NIM1K: variants seen among roughly 807,000 people sequenced by gnomAD.
NIM1K encodes NIM1 serine/threonine protein kinase.
Under a neutral mutation model 37.1 loss-of-function variants are expected in NIM1K, and 35 were observed. That is an observed-to-expected ratio of 0.94 (90% CI 0.72 to 1.25). NIM1K has a LOEUF of 1.25. NIM1K is among the 50% of genes most tolerant of loss of function. The pLI, the probability that NIM1K is intolerant of heterozygous loss-of-function variation, is 0.00. For missense variants in NIM1K, 564 were observed against 548.0 expected, an observed-to-expected ratio of 1.03 and a Z score of -0.29; for synonymous variants, 234 against 206.6, an observed-to-expected ratio of 1.13 and a Z score of -1.14.
chr5:43,199,490 A>G (rs1340127291), intron 1 of NIM1K, among the ~76,000 whole-genome samples: 1 of 152,026 alleles, frequency 6.6e-6, no homozygotes, highest in Non-Finnish European at 1.5e-5. Flanking sequence ...CTGTTCTGCT[A>G]TCCATCCTTT....
chr5:43,231,371 A>T (rs749275642), intron 1 of NIM1K, among the ~76,000 whole-genome samples: 4 of 152,054 alleles, frequency 2.6e-5, no homozygotes, highest in Non-Finnish European at 4.4e-5. Context: ...TAATTTTCTT[A>T]TGTGTGTCAA....
chr5:43,193,123 T>C (rs984241286), intron 1 of NIM1K: 28 of 152,214 alleles, frequency 1.8e-4, no homozygotes, highest in African/African-American at 6.7e-4. Context: ...CAGGACTCCT[T>C]GATACGACCA....
In NIM1K at chr5:43,277,402, C is replaced by G. The variant is rs1014903719; in HGVS notation, c.561+77C>G. On this transcript the variant is annotated intron_variant, in intron 3 of 3. Coordinates refer to ENST00000326035, the MANE Select transcript of NIM1K (RefSeq NM_153361.4). ...AGCACAGGGCTTTAGGTTACTAACC[C>G]TCAAGTGTCCCAGAGGGCTTTTGTC... 91 of 1,472,052 alleles carry G rather than the reference C, an allele frequency of 6.2e-5. No individual in the cohort carries two copies. In the African/African-American group the frequency reaches 1.2e-3, roughly 19 times the overall value. The allele number at this position is 1,472,052 out of a possible 1,614,324, so 91.2% of individuals were successfully genotyped here. A position where few individuals can be genotyped will look rare whatever the true frequency, so the allele number is the denominator to read the frequency against.
intron 1 of NIM1K, among the ~76,000 whole-genome samples, chr5:43,197,711 G>A (rs1751939339): frequency 6.6e-6 from 1 of 152,046 alleles, no homozygotes; most frequent in South Asian, 2.1e-4. Context: ...CTATCTTTCA[G>A]TACTTGCTGA....
At chr5:43,227,407 G>A (rs543900411) in intron 1 of NIM1K, among the ~76,000 whole-genome samples, 2 of 151,864 alleles carry the variant, frequency 1.3e-5, no homozygotes, top group African/African-American at 2.4e-5. Flanking sequence ...TAAAAGAATC[G>A]GTTCTTGGCA....
Position 43,221,662 on chromosome 5 carries a change from G to A in NIM1K, c.-694-23420G>A, listed in dbSNP as rs111577501. Among the ~76,000 whole-genome samples, 19 of 152,334 alleles carry A rather than the reference G, an allele frequency of 1.2e-4. 1 individual carries two copies. The highest frequency in any genetic ancestry group is 4.3e-4 in the African/African-American group (18 of 41,572). ...AAAGTGATGCACAGAAAACGGAAGTGAGGTACAGAAACAGCCGGATTGGTT... is the reference window on the plus strand; with the variant it reads ...AAAGTGATGCACAGAAAACGGAAGTAAGGTACAGAAACAGCCGGATTGGTT... On this transcript the variant is annotated intron_variant, in intron 1 of 3. Transcript: ENST00000326035.
At chr5:43,233,030 AG>A in intron 1 of NIM1K, 1 of 1,254,002 alleles carries the variant, frequency 8.0e-7, no homozygotes, top group Non-Finnish European at 1.2e-6. Context: ...AAGCTGTTGA[AG>A]GAGTCATCTC....
At chr5:43,199,582 C>T (rs1751988370) in intron 1 of NIM1K, among the ~76,000 whole-genome samples, 1 of 152,162 alleles carries the variant, frequency 6.6e-6, no homozygotes, top group Non-Finnish European at 1.5e-5. Flanking sequence ...ATGAAAGGAG[C>T]TGCTCCAGCT....
rs756070235 is a variant in NIM1K, at chr5:43,245,884, G to C, written c.109G>C (p.Gly37Arg). Reference protein sequence around the residue: ...SGCQTESSKEGEEGQPRQLTP... With the variant: ...SGCQTESSKEREEGQPRQLTP... ...CTGTCAGACCGAGAGTAGCAAGGAG[G>C]GTGAGGAGGGACAGCCCCGCCAGCT... The change falls in exon 2 of 4, where the codon GGT becomes CGT. Residue 37 changes from glycine (G) to arginine (R), a missense_variant. Coordinates refer to ENST00000326035, the MANE Select transcript of NIM1K (RefSeq NM_153361.4). 3.7e-6 allele frequency: 6 copies of C among 1,614,146 alleles called. No homozygotes were observed. Among genetic ancestry groups the C allele is most frequent in the South Asian group, 1.1e-5 (1 of 91,078 alleles).
chr5:43,238,270 C>T lies in NIM1K; in HGVS notation c.-694-6812C>T, dbSNP rs184031426. ...TGTTAGCCAGGATGGTCTTGATCTC[C>T]TGACCTTGTGATCTGCCCGCCTTCA... On this transcript the variant is annotated intron_variant, in intron 1 of 3. Coordinates refer to ENST00000326035, the MANE Select transcript of NIM1K (RefSeq NM_153361.4). 3.9e-5 allele frequency among the ~76,000 whole-genome samples: 6 copies of T among 151,922 alleles called. No individual in the cohort carries two copies. The East Asian group carries it at 7.7e-4, about 20-fold the overall frequency.
At chr5:43,270,327 A>G (rs1015066149) in intron 2 of NIM1K, among the ~76,000 whole-genome samples, 1 of 152,192 alleles carries the variant, frequency 6.6e-6, no homozygotes, top group African/African-American at 2.4e-5. Flanking sequence ...GCTCTTTAGT[A>G]TATGAGAGTA....
intron 2 of NIM1K, among the ~76,000 whole-genome samples, chr5:43,253,580 G>A (rs901375446): frequency 6.6e-6 from 1 of 152,066 alleles, no homozygotes; most frequent in Admixed American, 6.6e-5. Flanking sequence ...ATGGGAAAGA[G>A]ATAAGGTGGA....
In NIM1K at chr5:43,194,401, C is replaced by A. The variant is rs371887386; in HGVS notation, c.-695+1990C>A. 2.6e-4 allele frequency among the ~76,000 whole-genome samples: 39 copies of A among 152,256 alleles called. No homozygotes were observed. In the East Asian group the frequency reaches 3.5e-3, roughly 14 times the overall value. ...CTGTTAAATGGTAAGCCTGGAAAAACCTTCAGAGAAGCCTCCTTCTGTGTT... is the reference window on the plus strand; with the variant it reads ...CTGTTAAATGGTAAGCCTGGAAAAAACTTCAGAGAAGCCTCCTTCTGTGTT... On this transcript the variant is annotated intron_variant, in intron 1 of 3. Coordinates refer to ENST00000326035, the MANE Select transcript of NIM1K (RefSeq NM_153361.4).
At chr5:43,218,544 G>T (rs931564680) in intron 1 of NIM1K, among the ~76,000 whole-genome samples, 6 of 152,060 alleles carry the variant, frequency 3.9e-5, no homozygotes, top group African/African-American at 1.4e-4. Flanking sequence ...GAGTGAAAGA[G>T]AGAGGAGGAG....
intron 1 of NIM1K, among the ~76,000 whole-genome samples, chr5:43,242,511 CT>C (rs1752718014): frequency 6.6e-6 from 1 of 151,812 alleles, no homozygotes. Flanking sequence ...GGATGATGGA[CT>C]TTGGACTAAG....
At chr5:43,242,502 G>A (rs1005703405) in intron 1 of NIM1K, among the ~76,000 whole-genome samples, 4 of 151,936 alleles carry the variant, frequency 2.6e-5, no homozygotes, top group Non-Finnish European at 5.9e-5. Context: ...TTCTCAGGGG[G>A]ATGATGGACT....
chr5:43,229,144 G>A (rs952101725), intron 1 of NIM1K, among the ~76,000 whole-genome samples: 1 of 152,152 alleles, frequency 6.6e-6, no homozygotes, highest in Admixed American at 6.6e-5. Context: ...CACTTTGGGA[G>A]GCCAAGGCAG....
intron 3 of NIM1K, among the ~76,000 whole-genome samples, chr5:43,277,815 T>TGTGTGTGTGTGAGA (rs532526440): frequency 8.5e-4 from 109 of 128,962 alleles, no homozygotes; most frequent in African/African-American, 3.0e-3. Context: ...TGTGTGTGTG[T>TGTGTGTGTGTGAGA]GAGAGAGAGA....
intron 1 of NIM1K, chr5:43,232,514 T>A: frequency 1.3e-6 from 2 of 1,559,066 alleles, no homozygotes; most frequent in Admixed American, 3.4e-5. Flanking sequence ...GGTTGGGCGT[T>A]CAGTATCAAG....
Sources: gnomAD v4.1 joint callset for allele counts (sites outside exome capture counted in the v4.1 genomes callset) on GRCh38, gnomAD v4.1.1 for gene constraint, MANE v1.5 for transcripts, NCBI Gene and HGNC (gene_info 2026-07-23, HGNC 2026-07-21) for gene names.